Variants in MED12L observed in about 807,000 individuals in gnomAD.
MED12L encodes the protein mediator of RNA polymerase II transcription subunit 12-like protein.
In MED12L, 60 loss-of-function variants were observed where a neutral mutation model predicts 281.3. The ratio of observed to expected loss-of-function variants is 0.21; its 90% CI spans 0.17 to 0.26. MED12L has a LOEUF of 0.26. Among genes scored for constraint, MED12L ranks in the 10% least tolerant of loss-of-function variants. The pLI is 1.00. For synonymous variants in MED12L, 974 were observed against 987.2 expected (o/e 0.99, Z 0.25); for missense variants, 2,146 against 2,680.9 (o/e 0.80, Z 4.41).
chr3:151,206,071 ATTTTTTTT>A lies in MED12L; in HGVS notation c.2250+12419_2250+12426del, dbSNP rs60866327. Among the ~76,000 whole-genome samples the A allele has an allele frequency of 9.5e-3, 1,183 of 124,186 alleles. 12 individuals carry two copies. Among genetic ancestry groups the A allele is most frequent in the African/African-American group, 0.027 (928 of 34,206 alleles). The allele number at this position is 124,186 out of a possible 152,430, so 81.5% of individuals were successfully genotyped here. ...CAGGGTTATGTTTTGAAAGAAAATA[ATTTTTTTT>A]TTTTTTTTTTTTTGCACATAATATT... On this transcript the variant is annotated intron_variant, in intron 16 of 44. Coordinates refer to ENST00000687756, the MANE Select transcript of MED12L (RefSeq NM_001393769.1).
At chr3:151,239,154 C>T (rs1473467425) in intron 16 of MED12L, among the ~76,000 whole-genome samples, 1 of 152,158 alleles carries the variant, frequency 6.6e-6, no homozygotes, top group East Asian at 1.9e-4. Context: ...TTTATATTTA[C>T]AAATTTCTGC....
intron 16 of MED12L, among the ~76,000 whole-genome samples, chr3:151,265,085 C>T (rs1197080114): frequency 6.6e-6 from 1 of 152,192 alleles, no homozygotes; most frequent in Non-Finnish European, 1.5e-5. Context: ...GTCCTGCCTC[C>T]AGCCTGCTAG....
At chr3:151,410,983 C>T (rs1218925975) in intron 40 of MED12L, among the ~76,000 whole-genome samples, 1 of 151,880 alleles carries the variant, frequency 6.6e-6, no homozygotes, top group African/African-American at 2.4e-5. Flanking sequence ...AGAAACATGC[C>T]CTTCTCTAAA....
rs1225344552 is a variant in MED12L at position 151,334,188 on chromosome 3, C to CTTT, written c.2251-15870_2251-15868dup. ...TGGTGATGTTATGTGTTTTTTCTTT[C>CTTT]TTTCTTTCTTTTTTTTTTTGCCATT... On this transcript the variant is annotated intron_variant, in intron 16 of 44. Coordinates refer to ENST00000687756, the MANE Select transcript of MED12L (RefSeq NM_001393769.1). 2.0e-4 allele frequency among the ~76,000 whole-genome samples: 6 copies of CTTT among 30,312 alleles called. No individual in the cohort carries two copies. In the South Asian group the frequency reaches 3.7e-3, roughly 19 times the overall value. The allele number at this position is 30,312 out of a possible 152,430, so 19.9% of individuals were successfully genotyped here.
At chr3:151,191,032 G>C in intron 14 of MED12L, 101 bp downstream of exon 14, 1 of 1,032,850 alleles carries the variant, frequency 9.7e-7, no homozygotes, top group South Asian at 1.6e-5. Flanking sequence ...ATGGCTTTTT[G>C]TTGTATTCTT....
chr3:151,258,929 G>A (rs573942592), intron 16 of MED12L, among the ~76,000 whole-genome samples: 107 of 151,894 alleles, frequency 7.0e-4, no homozygotes, highest in African/African-American at 2.5e-3. Flanking sequence ...GTGGATTCAG[G>A]TTGTGTGTGC....
intron 2 of MED12L, among the ~76,000 whole-genome samples, chr3:151,116,042 C>A (rs996509221): frequency 8.4e-6 from 1 of 119,578 alleles, no homozygotes; most frequent in African/African-American, 3.3e-5. Context: ...CCAGGCTGGG[C>A]GACAGAGCGA....
intron 11 of MED12L, among the ~76,000 whole-genome samples, chr3:151,174,339 C>A (rs1342962212): frequency 6.6e-6 from 1 of 152,168 alleles, no homozygotes; most frequent in African/African-American, 2.4e-5. Context: ...TTTCTCACAA[C>A]TCCTCTATTT....
At chr3:151,113,572 C>T (rs968431520) in intron 2 of MED12L, among the ~76,000 whole-genome samples, 1 of 152,128 alleles carries the variant, frequency 6.6e-6, no homozygotes, top group Non-Finnish European at 1.5e-5. Context: ...CATTGCATTG[C>T]GTAAGCATGA....
At chr3:151,294,965 A>G (rs1744878604) in intron 16 of MED12L, 2 of 1,614,086 alleles carry the variant, frequency 1.2e-6, no homozygotes, top group East Asian at 2.2e-5. Flanking sequence ...TCGAAATGGA[A>G]ATGTCAGCGT....
At chr3:151,390,316 T>G (rs1267400426) in intron 38 of MED12L, among the ~76,000 whole-genome samples, 181 bp downstream of exon 38, 2 of 152,176 alleles carry the variant, frequency 1.3e-5, no homozygotes, top group African/African-American at 4.8e-5. Context: ...AAATTACGAG[T>G]TTATGTACTG....
chr3:151,372,654 A>G lies in MED12L; in HGVS notation c.3752A>G (p.Asp1251Gly). 2 of 1,613,520 alleles carry G rather than the reference A, an allele frequency of 1.2e-6. No homozygotes were observed. Among genetic ancestry groups the G allele is most frequent in the Non-Finnish European group, 1.7e-6 (2 of 1,179,434 alleles). The change falls in exon 27 of 45, where the codon GAT becomes GGT. Residue 1251 changes from aspartate (D) to glycine (G), a missense_variant. Asp to Gly is a moderately conservative substitution (Grantham distance 94, BLOSUM62 -1). Transcript: ENST00000687756. ...GGTTTGCGATGTGATGGGAATGCTG[A>G]TGATATCTGGACTGCCTCACAAAAT... ...MRGLRCDGNA[D>G]DIWTASQNPK...
chr3:151,245,153 G>A (rs1445329423), intron 16 of MED12L, among the ~76,000 whole-genome samples: 1 of 152,184 alleles, frequency 6.6e-6, no homozygotes, highest in Non-Finnish European at 1.5e-5. Context: ...AAAGAGTCCA[G>A]GACCAGATGG....
chr3:151,269,222 G>A (rs555857638), intron 16 of MED12L, among the ~76,000 whole-genome samples: 1 of 152,180 alleles, frequency 6.6e-6, no homozygotes, highest in Admixed American at 6.5e-5. Context: ...CCAACATGCA[G>A]AAACCCCATC....
intron 16 of MED12L, among the ~76,000 whole-genome samples, chr3:151,293,576 T>TACACACACACACACACACACACACAC (rs55846173): frequency 1.3e-5 from 1 of 76,226 alleles, no homozygotes; most frequent in African/African-American, 6.1e-5. Context: ...ATGAAGCCCT[T>TACACACACACACACACACACACACAC]ACACACACAC....
chr3:151,165,824 CTTG>C lies in MED12L; in HGVS notation c.1358-19_1358-17del. 6.2e-7 allele frequency: 1 copy of C among 1,605,332 alleles called. No individual in the cohort carries two copies. Among genetic ancestry groups the C allele is most frequent in the Non-Finnish European group, 8.5e-7 (1 of 1,176,498 alleles). On this transcript the variant is annotated intron_variant, in intron 10 of 44. Transcript: ENST00000687756. ...GTGTTATTTTTGGCCTCATTAACCA[CTTG>C]TTTAATTTCTGCCTATAGGGGTGAC...
rs140550724 is a variant in MED12L, at chr3:151,398,707, C to G, written c.5820+3840C>G. On this transcript the variant is annotated intron_variant, in intron 39 of 44. Transcript: ENST00000687756. The stretch of plus-strand genomic sequence containing the variant: ...CATTCTTCTTGGTTGCAGTCTTCAT[C>G]TAGGAAAATACAGTAGTCCTATCAC... Among the ~76,000 whole-genome samples, 313 of 152,280 alleles carry G rather than the reference C, an allele frequency of 2.1e-3. 4 individuals are homozygous for G. Among genetic ancestry groups the G allele is most frequent in the African/African-American group, 7.0e-3 (289 of 41,558 alleles).
chr3:151,343,859 A>G (rs755776257), intron 16 of MED12L, among the ~76,000 whole-genome samples: 1 of 152,196 alleles, frequency 6.6e-6, no homozygotes, highest in Non-Finnish European at 1.5e-5. Flanking sequence ...GGAACTGGGC[A>G]GGAGGATAGA....
rs537202119 is a variant in MED12L at position 151,230,304 on chromosome 3, T to G, written c.2250+36638T>G. Reference sequence around the variant, plus strand: ...CTGTTCTTGAATATGCGTGTCTGTTTTAGAACATTCCACTTGTGATATTTC... The same window carrying G: ...CTGTTCTTGAATATGCGTGTCTGTTGTAGAACATTCCACTTGTGATATTTC... On this transcript the variant is annotated intron_variant, in intron 16 of 44. Transcript: ENST00000687756. 2.6e-5 allele frequency among the ~76,000 whole-genome samples: 4 copies of G among 152,350 alleles called. No individual in the cohort carries two copies. In the South Asian group the frequency reaches 8.3e-4, roughly 32 times the overall value.
Sources: allele counts gnomAD v4.1 joint callset (sites outside exome capture counted in the v4.1 genomes callset), GRCh38; gene constraint gnomAD v4.1.1; transcripts MANE v1.5; gene names NCBI Gene and HGNC (gene_info 2026-07-23, HGNC 2026-07-21).